The following ELL2 variants were observed in gnomAD, a reference collection of about 807,000 sequenced individuals.
ELL2 encodes RNA polymerase II elongation factor ELL2.
ELL2 carries 21 observed loss-of-function variants against 72.8 expected under a neutral mutation model. That is an observed-to-expected ratio of 0.29 (90% confidence interval 0.20 to 0.42). The LOEUF (loss-of-function observed/expected upper bound fraction) is 0.42. ELL2 is among the 10% of genes least tolerant of loss of function. The pLI, the probability that ELL2 is intolerant of heterozygous loss-of-function variation, is 1.00. For synonymous variants in ELL2, 266 were observed against 283.2 expected (o/e 0.94, Z 0.61); for missense variants, 568 against 772.8 (o/e 0.73, Z 3.14).
chr5:95,914,724 A>G, intron 3 of ELL2, among the ~76,000 whole-genome samples: 1 of 152,120 alleles, frequency 6.6e-6, no homozygotes, highest in East Asian at 1.9e-4. Context: ...GTGTGCCTGA[A>G]GTTCCAGCTA....
chr5:95,908,190 TC>T (rs1313809572), intron 4 of ELL2, among the ~76,000 whole-genome samples: 1 of 152,214 alleles, frequency 6.6e-6, no homozygotes, highest in Non-Finnish European at 1.5e-5. Context: ...TCTGTATTTT[TC>T]TTACATCAGC....
chr5:95,920,097 T>C (rs1177478192), intron 2 of ELL2, among the ~76,000 whole-genome samples: 3 of 152,046 alleles, frequency 2.0e-5, no homozygotes, highest in Non-Finnish European at 4.4e-5. Flanking sequence ...ATAATTGCAT[T>C]CACAGGTAAA....
chr5:95,906,832 G>A (rs370493975), intron 4 of ELL2, 50 bp from the exon 5 acceptor site: 3 of 1,504,922 alleles, frequency 2.0e-6, no homozygotes, highest in East Asian at 2.4e-5. Context: ...GTTACAATAT[G>A]AGCACCTCAG....
chr5:95,906,419 A>G (rs1019356035), intron 5 of ELL2, 104 bp downstream of exon 5: 70 of 1,273,650 alleles, frequency 5.5e-5, no homozygotes, highest in Non-Finnish European at 6.5e-5. Context: ...TAATCCTAAA[A>G]TTTCTCTATC....
At chr5:95,957,243 T>C (rs1356218906) in intron 1 of ELL2, among the ~76,000 whole-genome samples, 2 of 152,232 alleles carry the variant, frequency 1.3e-5, no homozygotes, top group African/African-American at 4.8e-5. Flanking sequence ...GCCAGCAGCA[T>C]TACTGAGGAA....
chr5:95,916,729 G>A (rs1317891112), intron 3 of ELL2, among the ~76,000 whole-genome samples: 4 of 138,848 alleles, frequency 2.9e-5, no homozygotes, highest in Non-Finnish European at 6.1e-5. Flanking sequence ...ACAGACTTGA[G>A]CATGTTTGCA....
chr5:95,937,803 C>A (rs2112341523), intron 2 of ELL2, among the ~76,000 whole-genome samples: 1 of 152,252 alleles, frequency 6.6e-6, no homozygotes, highest in African/African-American at 2.4e-5. Context: ...TCAGAGCCGA[C>A]TGACTAAACA....
chr5:95,959,809 A>G (rs1339015382), intron 1 of ELL2, among the ~76,000 whole-genome samples: 1 of 152,186 alleles, frequency 6.6e-6, no homozygotes, highest in Non-Finnish European at 1.5e-5. Flanking sequence ...GGTTAGTAAC[A>G]CAAGTGTCCT....
Position 95,885,642 on chromosome 5 carries a change from A to G in ELL2, c.*3229T>C, listed in dbSNP as rs987936522. 6.6e-6 allele frequency: 1 copy of G among 152,234 alleles called. No individual in the cohort carries two copies. The highest frequency in any genetic ancestry group is 2.4e-5 in the African/African-American group (1 of 41,452). 9.4% of individuals were successfully genotyped at this position (152,234 alleles called of 1,614,324 possible). ...CTGAATTGATGGACCACTTTTGTCT[A>G]AAACTAATTTCAACATCTTCCAATA... On this transcript the variant is annotated 3_prime_UTR_variant, in exon 12 of 12. Transcript: ENST00000237853.
At chr5:95,938,959 G>A (rs896792256) in intron 2 of ELL2, among the ~76,000 whole-genome samples, 1 of 152,140 alleles carries the variant, frequency 6.6e-6, no homozygotes, top group Non-Finnish European at 1.5e-5. Context: ...TGAGGCCTGA[G>A]GCAAGTCCAC....
chr5:95,961,022 T>TC (rs1751823215), intron 1 of ELL2, among the ~76,000 whole-genome samples: 1 of 151,886 alleles, frequency 6.6e-6, no homozygotes, highest in Non-Finnish European at 1.5e-5. Context: ...ACACAGTGTG[T>TC]CCCCTGATAC....
intron 1 of ELL2, among the ~76,000 whole-genome samples, chr5:95,954,721 T>C (rs1001235871): frequency 6.6e-6 from 1 of 150,692 alleles, no homozygotes; most frequent in Non-Finnish European, 1.5e-5. Flanking sequence ...ATTACAGGCA[T>C]GAGCCACTGC....
intron 1 of ELL2, among the ~76,000 whole-genome samples, chr5:95,956,460 A>C (rs1377986090): frequency 6.6e-6 from 1 of 152,350 alleles, no homozygotes; most frequent in East Asian, 1.9e-4. Context: ...GAATCTGCTA[A>C]AGCAAACCTC....
At chr5:95,902,907 G>A (rs1387206759) in intron 5 of ELL2, among the ~76,000 whole-genome samples, 1 of 151,998 alleles carries the variant, frequency 6.6e-6, no homozygotes, top group African/African-American at 2.4e-5. Context: ...TCAGCCTCCT[G>A]AGTAGCTGGG....
At chr5:95,895,407 C>T (rs1480697244) in intron 9 of ELL2, among the ~76,000 whole-genome samples, 3 of 152,174 alleles carry the variant, frequency 2.0e-5, no homozygotes, top group African/African-American at 7.2e-5. Flanking sequence ...TACTTAAAGG[C>T]CAACGAATAC....
chr5:95,920,404 C>G (rs992937018), intron 2 of ELL2, among the ~76,000 whole-genome samples: 1 of 151,380 alleles, frequency 6.6e-6, no homozygotes, highest in South Asian at 2.1e-4. Flanking sequence ...TCCACCTCCC[C>G]GGTTCAAGCA....
At chr5:95,953,118 A>G (rs1018308153) in intron 1 of ELL2, among the ~76,000 whole-genome samples, 3 of 152,186 alleles carry the variant, frequency 2.0e-5, no homozygotes, top group Non-Finnish European at 4.4e-5. Context: ...GGTAAAGAAG[A>G]CATCTCTTTG....
intron 1 of ELL2, among the ~76,000 whole-genome samples, chr5:95,950,905 T>C (rs200990904): frequency 0.26 from 1,811 of 6,942 alleles, 105 homozygotes; most frequent in African/African-American, 0.37. Context: ...TATGTATGTG[T>C]ATATATATAT....
At chr5:95,941,582 C>CT (rs960003959) in intron 2 of ELL2, among the ~76,000 whole-genome samples, 1 of 152,142 alleles carries the variant, frequency 6.6e-6, no homozygotes, top group African/African-American at 2.4e-5. Context: ...TAGAAAATAT[C>CT]CTTTACTTGC....
Sources: allele counts gnomAD v4.1 joint callset (sites outside exome capture counted in the v4.1 genomes callset), GRCh38; gene constraint gnomAD v4.1.1; transcripts MANE v1.5; gene names NCBI Gene and HGNC (gene_info 2026-07-23, HGNC 2026-07-21).